Variants in RNF130 observed in about 807,000 individuals in gnomAD.
The protein encoded by RNF130 is ring finger protein 130.
In RNF130, 21 loss-of-function variants were observed where a neutral mutation model predicts 44.6. The observed-to-expected ratio is 0.47, with a 90% CI of 0.33 to 0.68. RNF130 has a LOEUF of 0.68. Ranked by LOEUF, RNF130 falls within the 30% of genes least tolerant of loss-of-function variation. The pLI is 0.02. For missense variants in RNF130, 479 were observed against 560.6 expected (o/e 0.85, Z 1.47); for synonymous variants, 214 against 210.4 (o/e 1.02, Z -0.15).
chr5:179,972,225 C>G (rs1762600776), intron 5 of RNF130, among the ~76,000 whole-genome samples: 1 of 152,200 alleles, frequency 6.6e-6, no homozygotes, highest in Non-Finnish European at 1.5e-5. Context: ...CCAACAAAGA[C>G]CACAACAGGC....
At chr5:180,051,064 A>C (rs1764675882) in intron 1 of RNF130, among the ~76,000 whole-genome samples, 1 of 152,072 alleles carries the variant, frequency 6.6e-6, no homozygotes, top group South Asian at 2.1e-4. Flanking sequence ...CGACCTCCCA[A>C]ACTGCTGGGA....
At chr5:180,063,149 T>C (rs1289423224) in intron 1 of RNF130, among the ~76,000 whole-genome samples, 1 of 152,104 alleles carries the variant, frequency 6.6e-6, no homozygotes, top group Non-Finnish European at 1.5e-5. Context: ...AAGCAAGCAG[T>C]AACATGACTG....
chr5:180,008,992 G>A (rs1763525405), intron 3 of RNF130, among the ~76,000 whole-genome samples: 2 of 152,034 alleles, frequency 1.3e-5, no homozygotes, highest in African/African-American at 4.8e-5. Flanking sequence ...AAATACATAG[G>A]ACTGAATGAA....
At chr5:179,995,323 A>T (rs1229325678) in intron 3 of RNF130, among the ~76,000 whole-genome samples, 2 of 152,114 alleles carry the variant, frequency 1.3e-5, no homozygotes, top group African/African-American at 4.8e-5. Context: ...CACACCTCTC[A>T]GGCAAATCTC....
chr5:179,962,065 G>A (rs1387609255), intron 8 of RNF130, among the ~76,000 whole-genome samples: 2 of 152,240 alleles, frequency 1.3e-5, no homozygotes, highest in Admixed American at 6.5e-5. Context: ...GAAAAACGGA[G>A]GAGCTGAGAG....
intron 5 of RNF130, among the ~76,000 whole-genome samples, chr5:179,974,511 C>T (rs1004116189): frequency 3.9e-5 from 6 of 152,182 alleles, no homozygotes; most frequent in Admixed American, 1.3e-4. Flanking sequence ...GAAAAGGAAA[C>T]GTCACGTGGC....
intron 1 of RNF130, among the ~76,000 whole-genome samples, chr5:180,048,378 T>C (rs1764617449): frequency 6.6e-6 from 1 of 152,168 alleles, no homozygotes; most frequent in African/African-American, 2.4e-5. Context: ...GATATTATTA[T>C]CAAAGGCTAC....
At chr5:179,978,179 C>G in intron 5 of RNF130, 24 bp downstream of exon 5, 7 of 1,582,316 alleles carry the variant, frequency 4.4e-6, no homozygotes, top group Non-Finnish European at 6.1e-6. Flanking sequence ...ATCATTCTTT[C>G]TCAAACAAAT....
chr5:180,052,638 G>A (rs905980052), intron 1 of RNF130, among the ~76,000 whole-genome samples: 5 of 152,222 alleles, frequency 3.3e-5, no homozygotes, highest in African/African-American at 7.2e-5. Context: ...AATTTAAAAT[G>A]TAATGACAGG....
chr5:180,005,033 A>T (rs1201029912), intron 3 of RNF130, among the ~76,000 whole-genome samples: 1 of 152,196 alleles, frequency 6.6e-6, no homozygotes, highest in African/African-American at 2.4e-5. Context: ...TATTTTATTA[A>T]TATCATCTTC....
chr5:180,054,366 C>A (rs1324551933), intron 1 of RNF130, among the ~76,000 whole-genome samples: 2 of 152,170 alleles, frequency 1.3e-5, no homozygotes, highest in Non-Finnish European at 2.9e-5. Context: ...CCTTCCACCC[C>A]GTGGCATGTC....
chr5:179,933,421 T>TGTGTGTGTGTGTGTGTGTGTGA (rs1434531283), intron 7 of RNF130, among the ~76,000 whole-genome samples: 11 of 151,874 alleles, frequency 7.2e-5, no homozygotes, highest in Non-Finnish European at 1.6e-4. Context: ...TGTGTGTGTG[T>TGTGTGTGTGTGTGTGTGTGTGA]GAGTGTGTGG....
chr5:180,009,699 A>G (rs1276322704), intron 3 of RNF130, among the ~76,000 whole-genome samples: 2 of 152,238 alleles, frequency 1.3e-5, no homozygotes, highest in Non-Finnish European at 2.9e-5. Context: ...ACTTATCTTA[A>G]CAGCCCAAAA....
At chr5:180,012,731 T>G (rs1763621494) in intron 3 of RNF130, among the ~76,000 whole-genome samples, 1 of 152,100 alleles carries the variant, frequency 6.6e-6, no homozygotes, top group Non-Finnish European at 1.5e-5. Flanking sequence ...CCCTCCAAGT[T>G]CCCATTTGCA....
At chr5:179,967,496 AAGAATAGGT>A in intron 6 of RNF130, among the ~76,000 whole-genome samples, 1 of 152,280 alleles carries the variant, frequency 6.6e-6, no homozygotes, top group South Asian at 2.1e-4. Context: ...GCATAAAACC[AAGAATAGGT>A]CAAAGTTGAA....
intron 5 of RNF130, among the ~76,000 whole-genome samples, chr5:179,975,248 C>T (rs1172368741): frequency 1.3e-5 from 2 of 152,246 alleles, no homozygotes; most frequent in East Asian, 3.8e-4. Flanking sequence ...AGCGCGAAGG[C>T]GCAGCTGCGA....
downstream of RNF130, among the ~76,000 whole-genome samples, chr5:179,952,359 A>C (rs1762138547): frequency 6.6e-6 from 1 of 152,210 alleles, no homozygotes; most frequent in Non-Finnish European, 1.5e-5. Flanking sequence ...AAGTGAGGAG[A>C]TAATGAGTTG....
intron 5 of RNF130, among the ~76,000 whole-genome samples, 196 bp downstream of exon 5, chr5:179,978,007 C>T (rs1048099575): frequency 1.2e-4 from 19 of 152,392 alleles, no homozygotes; most frequent in Admixed American, 1.1e-3. Context: ...CCTCGGAAGG[C>T]CGTGCAGCCC....
Position 180,071,654 on chromosome 5 carries a change from G to A in RNF130, c.49C>T (p.Leu17=), listed in dbSNP as rs768575148. 3.4e-6 allele frequency: 5 copies of A among 1,457,168 alleles called. No individual in the cohort carries two copies. The highest frequency in any genetic ancestry group is 2.4e-5 in the Admixed American group (1 of 42,038). 90.3% of individuals were successfully genotyped at this position (1,457,168 alleles called of 1,614,324 possible). ...AGPARLAALA[L]LTCSLWPARA... Reference sequence around the variant, plus strand: ...GCCGGCCACAGGCTGCAGGTCAGCAGGGCGAGCGCGGCGAGCCGGGCAGGG... The same window carrying A: ...GCCGGCCACAGGCTGCAGGTCAGCAAGGCGAGCGCGGCGAGCCGGGCAGGG... The change falls in exon 1 of 9, where the codon CTG becomes TTG. Residue 17 remains leucine (L), a synonymous_variant. Transcript: ENST00000521389.
Sources: gnomAD v4.1 joint callset for allele counts (sites outside exome capture counted in the v4.1 genomes callset) on GRCh38, gnomAD v4.1.1 for gene constraint, MANE v1.5 for transcripts, NCBI Gene and HGNC (gene_info 2026-07-23, HGNC 2026-07-21) for gene names.